RARB: variants seen among roughly 807,000 people sequenced by gnomAD.
RARB encodes the protein retinoic acid receptor beta.
In RARB, 17 loss-of-function variants were observed where a neutral mutation model predicts 51.9. The ratio of observed to expected loss-of-function variants is 0.33; its 90% confidence interval spans 0.22 to 0.49. The LOEUF is 0.49. Ranked by LOEUF, RARB falls within the 20% of genes least tolerant of loss-of-function variation. RARB has a pLI of 0.99. For missense variants in RARB, 369 were observed against 550.8 expected, an observed-to-expected ratio of 0.67 and a Z score of 3.30; for synonymous variants, 215 against 195.4, an observed-to-expected ratio of 1.10 and a Z score of -0.84.
At chr3:24,949,351 C>A (rs1025583097) in intron 2 of RARB, among the ~76,000 whole-genome samples, 1 of 152,138 alleles carries the variant, frequency 6.6e-6, no homozygotes, top group Non-Finnish European at 1.5e-5. Flanking sequence ...ATATAATTAC[C>A]CTTCCCCCCT....
intron 5 of RARB, among the ~76,000 whole-genome samples, chr3:25,410,442 C>A (rs938428146): frequency 6.6e-6 from 1 of 152,196 alleles, no homozygotes; most frequent in Non-Finnish European, 1.5e-5. Flanking sequence ...CAACTGATAC[C>A]AGCTAACTTT....
chr3:24,891,139 G>C (rs1001473464), intron 2 of RARB, among the ~76,000 whole-genome samples: 2 of 152,168 alleles, frequency 1.3e-5, no homozygotes, highest in African/African-American at 4.8e-5. Flanking sequence ...AATGTAAAAA[G>C]TAATCCTACC....
chr3:25,231,916 A>C (rs1461869527), intron 5 of RARB, among the ~76,000 whole-genome samples: 1 of 152,016 alleles, frequency 6.6e-6, no homozygotes, highest in Non-Finnish European at 1.5e-5. Flanking sequence ...ATTTTGATGA[A>C]ACTCAATATA....
Position 24,852,100 on chromosome 3 carries a change from T to G in RARB, c.-458-6574T>G, listed in dbSNP as rs1006241085. ...GAAATTTTAAGTTTTCTGAACCTAATTTTTTTGTTTATAAACTATAGATGA... is the reference window on the plus strand; with the variant it reads ...GAAATTTTAAGTTTTCTGAACCTAAGTTTTTTGTTTATAAACTATAGATGA... On this transcript the variant is annotated intron_variant, in intron 1 of 11. Coordinates refer to the RARB transcript ENST00000383772. Among the ~76,000 whole-genome samples the G allele has an allele frequency of 7.3e-5, 11 of 151,652 alleles. 1 individual carries two copies. The highest frequency in any genetic ancestry group is 2.6e-4 in the African/African-American group (11 of 41,526).
chr3:25,592,418 A>C (rs868143972), intron 5 of RARB, among the ~76,000 whole-genome samples: 1 of 152,212 alleles, frequency 6.6e-6, no homozygotes. Flanking sequence ...GAGAAAAGTC[A>C]AGTATGGAAA....
chr3:25,325,610 T>TCCTTCCTCTGCTGCCAACTTCTAA (rs1401548329), intron 5 of RARB, among the ~76,000 whole-genome samples: 1 of 151,990 alleles, frequency 6.6e-6, no homozygotes, highest in Admixed American at 6.6e-5. Context: ...CTATTCCTTA[T>TCCTTCCTCTGCTGCCAACTTCTAA]CCTTCCTCTG....
intron 5 of RARB, among the ~76,000 whole-genome samples, chr3:25,232,634 T>G (rs1702205528): frequency 6.6e-6 from 1 of 152,202 alleles, no homozygotes; most frequent in South Asian, 2.1e-4. Flanking sequence ...TAAATGGTAC[T>G]TTTTAAAATC....
intron 3 of RARB, among the ~76,000 whole-genome samples, chr3:25,069,668 G>T (rs1698730505): frequency 6.6e-6 from 1 of 152,190 alleles, no homozygotes; most frequent in Non-Finnish European, 1.5e-5. Context: ...CACTGTCACA[G>T]CGTTTTATCT....
At chr3:24,944,865 C>A (rs1005265704) in intron 2 of RARB, among the ~76,000 whole-genome samples, 2 of 152,168 alleles carry the variant, frequency 1.3e-5, no homozygotes, top group African/African-American at 4.8e-5. Context: ...GGAAGAGAGG[C>A]AAAGTAGATA....
At chr3:25,107,008 C>G (rs1699519440) in intron 3 of RARB, among the ~76,000 whole-genome samples, 1 of 152,074 alleles carries the variant, frequency 6.6e-6, no homozygotes, top group Non-Finnish European at 1.5e-5. Context: ...TCAAGCAATT[C>G]TCCTGCCTCA....
intron 4 of RARB, among the ~76,000 whole-genome samples, chr3:25,166,851 T>C (rs1700568950): frequency 6.6e-6 from 1 of 152,200 alleles, no homozygotes; most frequent in Non-Finnish European, 1.5e-5. Flanking sequence ...AAGTCATCAA[T>C]GCATTAAGTG....
At chr3:25,271,971 G>A (rs771946431) in intron 5 of RARB, among the ~76,000 whole-genome samples, 1 of 152,122 alleles carries the variant, frequency 6.6e-6, no homozygotes, top group Non-Finnish European at 1.5e-5. Flanking sequence ...CTTGCATTGT[G>A]TGATACAGCG....
At chr3:25,130,315 G>A (rs575352704) in intron 3 of RARB, among the ~76,000 whole-genome samples, 7 of 152,100 alleles carry the variant, frequency 4.6e-5, no homozygotes, top group African/African-American at 1.7e-4. Flanking sequence ...CAGCTAAAAT[G>A]TCACCTAAAC....
At chr3:25,392,586 T>C (rs1706996187) in intron 5 of RARB, among the ~76,000 whole-genome samples, 1 of 152,168 alleles carries the variant, frequency 6.6e-6, no homozygotes, top group South Asian at 2.1e-4. Context: ...TTTATAGTTT[T>C]CCTTGTAGAG....
intron 2 of RARB, among the ~76,000 whole-genome samples, chr3:25,023,774 G>A (rs2125286187): frequency 6.6e-6 from 1 of 152,308 alleles, no homozygotes; most frequent in Non-Finnish European, 1.5e-5. Context: ...ATAGATTAGA[G>A]CGGCTATCTA....
chr3:25,057,262 A>G (rs746933003), intron 2 of RARB, among the ~76,000 whole-genome samples: 1 of 152,080 alleles, frequency 6.6e-6, no homozygotes, highest in Non-Finnish European at 1.5e-5. Context: ...ATTCTTTTGC[A>G]ATAAGCATTC....
At chr3:25,034,039 C>T (rs1603995) in intron 2 of RARB, among the ~76,000 whole-genome samples, 95,176 of 152,014 alleles carry the variant, frequency 0.63, 30,478 homozygotes, top group East Asian at 0.93. Flanking sequence ...TTGGCTGAGC[C>T]TGTGTTGCTC....
At chr3:25,486,490 A>G (rs1331682758) in intron 2 of RARB, among the ~76,000 whole-genome samples, 2 of 152,148 alleles carry the variant, frequency 1.3e-5, no homozygotes, top group African/African-American at 4.8e-5. Context: ...CTCCCATGCA[A>G]CCTTCCACCC....
intron 2 of RARB, among the ~76,000 whole-genome samples, chr3:25,497,182 G>A (rs1697082546): frequency 6.6e-6 from 1 of 152,204 alleles, no homozygotes; most frequent in Non-Finnish European, 1.5e-5. Flanking sequence ...ACCGCGCCTG[G>A]CCGAAAACCA....
Sources: allele counts gnomAD v4.1 joint callset (sites outside exome capture counted in the v4.1 genomes callset), GRCh38; gene constraint gnomAD v4.1.1; transcripts MANE v1.5; gene names NCBI Gene and HGNC (gene_info 2026-07-23, HGNC 2026-07-21).